TESK2: variants seen among roughly 807,000 people sequenced by gnomAD.
TESK2 encodes the protein dual specificity testis-specific protein kinase 2.
A neutral mutation model predicts 57.1 loss-of-function variants in TESK2; 39 were observed. The ratio of observed to expected loss-of-function variants is 0.68; its 90% CI spans 0.53 to 0.89. The LOEUF (loss-of-function observed/expected upper bound fraction) is 0.89. TESK2 is among the 40% of genes least tolerant of loss of function. The pLI is 0.00. For missense variants in TESK2, 646 were observed against 732.1 expected, an observed-to-expected ratio of 0.88 and a Z score of 1.36; for synonymous variants, 249 against 267.9, an observed-to-expected ratio of 0.93 and a Z score of 0.69.
chr1:45,382,431 C>A (rs1176770984), intron 4 of TESK2, among the ~76,000 whole-genome samples: 1 of 152,044 alleles, frequency 6.6e-6, no homozygotes, highest in Non-Finnish European at 1.5e-5. Flanking sequence ...TAGAGACAGG[C>A]TTTTGCCATG....
At chr1:45,455,270 GT>G (rs771129563) in intron 2 of TESK2, among the ~76,000 whole-genome samples, 4 of 152,148 alleles carry the variant, frequency 2.6e-5, no homozygotes, top group Non-Finnish European at 5.9e-5. Context: ...TGCTTAATAT[GT>G]TTTTCAGACC....
intron 4 of TESK2, among the ~76,000 whole-genome samples, chr1:45,381,718 A>G (rs1031501922): frequency 2.0e-5 from 3 of 152,036 alleles, no homozygotes; most frequent in Non-Finnish European, 2.9e-5. Flanking sequence ...TTGTGGCTGG[A>G]GGGCAACAGC....
At chr1:45,403,431 G>C (rs918241156) in intron 3 of TESK2, among the ~76,000 whole-genome samples, 1 of 152,104 alleles carries the variant, frequency 6.6e-6, no homozygotes, top group African/African-American at 2.4e-5. Flanking sequence ...GTCTTAGATA[G>C]GAGAATTCAT....
At chr1:45,399,930 ATAG>A (rs1260480797) in intron 3 of TESK2, among the ~76,000 whole-genome samples, 1 of 152,194 alleles carries the variant, frequency 6.6e-6, no homozygotes, top group Non-Finnish European at 1.5e-5. Context: ...TTATGGGTTA[ATAG>A]TAGCACATGG....
intron 4 of TESK2, among the ~76,000 whole-genome samples, chr1:45,356,069 G>C (rs1297256519): frequency 6.6e-6 from 1 of 152,104 alleles, no homozygotes; most frequent in Non-Finnish European, 1.5e-5. Context: ...ATGATAGATG[G>C]ATTAGAGTGA....
At chr1:45,367,629 G>A (rs980170021) in intron 4 of TESK2, among the ~76,000 whole-genome samples, 4 of 151,046 alleles carry the variant, frequency 2.6e-5, no homozygotes, top group African/African-American at 7.3e-5. Flanking sequence ...GATTACAGGC[G>A]TGAGCCACTG....
intron 4 of TESK2, among the ~76,000 whole-genome samples, chr1:45,381,577 C>T (rs949508910): frequency 6.6e-6 from 1 of 152,168 alleles, no homozygotes; most frequent in Non-Finnish European, 1.5e-5. Context: ...CAGCCTAGAG[C>T]AGACCACCAG....
At chr1:45,481,514 G>C (rs1034307853) in intron 1 of TESK2, among the ~76,000 whole-genome samples, 1 of 152,082 alleles carries the variant, frequency 6.6e-6, no homozygotes, top group Admixed American at 6.6e-5. Flanking sequence ...ATGTGCTGTA[G>C]TTATTCACAA....
intron 4 of TESK2, among the ~76,000 whole-genome samples, chr1:45,364,777 G>A (rs1647837681): frequency 6.6e-6 from 1 of 152,186 alleles, no homozygotes; most frequent in South Asian, 2.1e-4. Flanking sequence ...CTGAGTGATA[G>A]ATATGAGAAA....
intron 4 of TESK2, among the ~76,000 whole-genome samples, chr1:45,372,521 G>A (rs914356087): frequency 4.7e-4 from 71 of 152,044 alleles, no homozygotes; most frequent in African/African-American, 1.6e-3. Context: ...AGAGGTTGCA[G>A]TGAGCCAAGA....
intron 6 of TESK2, 43 bp downstream of exon 6, chr1:45,347,875 G>T: frequency 6.5e-7 from 1 of 1,540,502 alleles, no homozygotes; most frequent in Non-Finnish European, 9.0e-7. Context: ...CTTAGCTTCA[G>T]CCCCCTGTCC....
chr1:45,398,994 A>AAC, intron 3 of TESK2: 1 of 433,692 alleles, frequency 2.3e-6, no homozygotes, highest in Non-Finnish European at 4.5e-6. Flanking sequence ...AAAAAAAAAA[A>AAC]AAAAAAAAAA....
At chr1:45,419,543 C>T (rs972285167) in intron 3 of TESK2, among the ~76,000 whole-genome samples, 3 of 152,124 alleles carry the variant, frequency 2.0e-5, no homozygotes, top group Non-Finnish European at 4.4e-5. Context: ...CGGTGGCTCA[C>T]ACCTGTAATC....
chr1:45,415,342 T>A, intron 3 of TESK2: 1 of 1,073,578 alleles, frequency 9.3e-7, no homozygotes, highest in Non-Finnish European at 1.4e-6. Flanking sequence ...TGGACAACTC[T>A]AATAAATTTG....
intron 3 of TESK2, among the ~76,000 whole-genome samples, chr1:45,420,831 G>A (rs1364165512): frequency 1.3e-5 from 2 of 151,720 alleles, no homozygotes; most frequent in Admixed American, 6.6e-5. Flanking sequence ...CTCATGATCC[G>A]CCTGCCTCGG....
At chr1:45,359,145 C>T (rs1182274495) in intron 4 of TESK2, among the ~76,000 whole-genome samples, 2 of 152,200 alleles carry the variant, frequency 1.3e-5, no homozygotes. Flanking sequence ...CTCCTAATAG[C>T]CATTTAACTT....
At chr1:45,464,757 G>T (rs543811784) in intron 1 of TESK2, among the ~76,000 whole-genome samples, 1 of 152,272 alleles carries the variant, frequency 6.6e-6, no homozygotes, top group Admixed American at 6.5e-5. Context: ...GCTCATTGCA[G>T]CTCAATGGGT....
At position 45,490,990 on chromosome 1, in the gene TESK2, C is replaced by G. The variant is rs1438222222; in HGVS notation, c.-225G>C. 1 of 152,222 alleles carries G rather than the reference C, an allele frequency of 6.6e-6. No homozygotes were observed. Among genetic ancestry groups the G allele is most frequent in the African/African-American group, 2.4e-5 (1 of 41,408 alleles). The allele number at this position is 152,222 out of a possible 1,614,324, so 9.4% of individuals were successfully genotyped here. On this transcript the variant is annotated 5_prime_UTR_variant, in exon 1 of 11. Transcript: ENST00000372086. ...CTGCGGAGGCGGTGGGAGCCCCTAG[C>G]GCAGAAGCCGGCGACTCAGCTAGGC...
intron 3 of TESK2, among the ~76,000 whole-genome samples, chr1:45,395,609 C>CT (rs201678906): frequency 0.019 from 2,507 of 132,490 alleles, 64 homozygotes; most frequent in African/African-American, 0.058. Flanking sequence ...CTTTTCTTTT[C>CT]TTTTTTTTTT....
Sources: gnomAD v4.1 joint callset for allele counts (sites outside exome capture counted in the v4.1 genomes callset) on GRCh38, gnomAD v4.1.1 for gene constraint, MANE v1.5 for transcripts, NCBI Gene and HGNC (gene_info 2026-07-23, HGNC 2026-07-21) for gene names.